LRFN5: variants seen among roughly 807,000 people sequenced by gnomAD.
LRFN5 encodes the protein leucine rich repeat and fibronectin type III domain containing 5.
In LRFN5, 24 loss-of-function variants were observed where a neutral mutation model predicts 45.6. That is an observed-to-expected ratio of 0.53 (90% CI 0.38 to 0.74). The LOEUF (loss-of-function observed/expected upper bound fraction) is 0.74. LRFN5 is among the 30% of genes least tolerant of loss of function. The probability of loss-of-function intolerance (pLI) is 0.00; values close to 1 mark genes in which losing one functional copy is unlikely to be tolerated. For missense variants in LRFN5, 776 were observed against 861.5 expected, an observed-to-expected ratio of 0.90 and a Z score of 1.24; for synonymous variants, 340 against 313.8, an observed-to-expected ratio of 1.08 and a Z score of -0.88.
In LRFN5 at chr14:41,897,089, AAAATAAATAAATAAAT is replaced by A. The variant is rs527665190; in HGVS notation, c.2099-1798_2099-1783del. Reference sequence around the variant, plus strand: ...CCTGGTGACAGAGTGAGACTCTGTCAAAATAAATAAATAAATAAATAAATAAATAAATAAATAAATA... The same window carrying A: ...CCTGGTGACAGAGTGAGACTCTGTCAAAATAAATAAATAAATAAATAAATA... On this transcript the variant is annotated intron_variant, in intron 4 of 5. Coordinates refer to ENST00000298119, the MANE Select transcript of LRFN5 (RefSeq NM_152447.5). Among the ~76,000 whole-genome samples the A allele has an allele frequency of 5.3e-3, 783 of 148,540 alleles. 1 individual carries two copies. Among genetic ancestry groups the A allele is most frequent in the Middle Eastern group, 0.014 (4 of 278 alleles).
At chr14:41,753,562 CTGTT>C (rs1885234542) in intron 1 of LRFN5, among the ~76,000 whole-genome samples, 1 of 151,840 alleles carries the variant, frequency 6.6e-6, no homozygotes, top group Non-Finnish European at 1.5e-5. Flanking sequence ...ATTTGGCTCT[CTGTT>C]TGTCTGTTAT....
At chr14:41,746,665 A>C (rs192827439) in intron 1 of LRFN5, among the ~76,000 whole-genome samples, 1 of 152,096 alleles carries the variant, frequency 6.6e-6, no homozygotes, top group Admixed American at 6.5e-5. Flanking sequence ...AAAATTTTTT[A>C]AAAAAGCAAA....
chr14:41,668,759 G>A (rs1318955836), intron 1 of LRFN5, among the ~76,000 whole-genome samples: 1 of 152,074 alleles, frequency 6.6e-6, no homozygotes, highest in Non-Finnish European at 1.5e-5. Context: ...TATAATTGAT[G>A]TTTTCACCAG....
At chr14:41,859,242 A>G (rs995751853) in intron 2 of LRFN5, among the ~76,000 whole-genome samples, 3 of 152,198 alleles carry the variant, frequency 2.0e-5, no homozygotes, top group Non-Finnish European at 4.4e-5. Context: ...TTCTAGCTAC[A>G]TGTCATGAAA....
At chr14:41,824,238 G>A (rs1594442116) in intron 2 of LRFN5, among the ~76,000 whole-genome samples, 1 of 152,114 alleles carries the variant, frequency 6.6e-6, no homozygotes, top group East Asian at 1.9e-4. Context: ...GTAACATCTT[G>A]TTTTGTCACA....
At position 41,693,201 on chromosome 14, in the gene LRFN5, AGTT is replaced by A. The variant is rs2138709214; in HGVS notation, c.-196-73649_-196-73647del. On this transcript the variant is annotated intron_variant, in intron 1 of 5. Coordinates refer to ENST00000298119, the MANE Select transcript of LRFN5 (RefSeq NM_152447.5). Reference sequence around the variant, plus strand: ...TAAATAATGTTTAAATATTTTTGGAAGTTGTTCTGTGTCTTTTAGGTCATTTGC... The same window carrying A: ...TAAATAATGTTTAAATATTTTTGGAAGTTCTGTGTCTTTTAGGTCATTTGC... Among the ~76,000 whole-genome samples the A allele has an allele frequency of 2.0e-5, 3 of 152,218 alleles. No individual in the cohort carries two copies. In the East Asian group the frequency reaches 5.8e-4, roughly 29 times the overall value.
At chr14:41,792,762 A>G (rs1886972795) in intron 2 of LRFN5, among the ~76,000 whole-genome samples, 1 of 152,052 alleles carries the variant, frequency 6.6e-6, no homozygotes, top group African/African-American at 2.4e-5. Context: ...GTTCAAACAC[A>G]CATGTTTTAC....
Position 41,887,759 on chromosome 14 carries a change from T to G in LRFN5, c.1134T>G (p.Pro378=). ...QIVDLHIIKL[P]HLLNSTNHIH... The stretch of plus-strand genomic sequence containing the variant: ...TGGATCTTCATATAATTAAGCTCCC[T>G]CACTTACTAAATAGTACAAACCATA... The change falls in exon 3 of 6, where the codon CCT becomes CCG. Residue 378 remains proline, a synonymous_variant. Transcript: ENST00000298119. This position sits in a 1 kb window ranked among gnomAD's most constrained non-coding sequence, Gnocchi z 4.8. 6.2e-7 allele frequency: 1 copy of G among 1,614,018 alleles called. No homozygotes were observed. Among genetic ancestry groups the G allele is most frequent in the Non-Finnish European group, 8.5e-7 (1 of 1,180,040 alleles).
At chr14:41,805,230 C>G (rs1887478476) in intron 2 of LRFN5, among the ~76,000 whole-genome samples, 1 of 151,174 alleles carries the variant, frequency 6.6e-6, no homozygotes, top group Admixed American at 6.6e-5. Context: ...AAAATATTGG[C>G]CAGACTGGTT....
intron 1 of LRFN5, among the ~76,000 whole-genome samples, chr14:41,718,054 T>A (rs1023753179): frequency 6.6e-6 from 1 of 152,132 alleles, no homozygotes; most frequent in African/African-American, 2.4e-5. Flanking sequence ...TGTCCTAGCA[T>A]CTTGTTTTAC....
intron 2 of LRFN5, among the ~76,000 whole-genome samples, chr14:41,865,888 C>T (rs972956938): frequency 5.9e-5 from 9 of 151,980 alleles, no homozygotes; most frequent in Middle Eastern, 3.2e-3. Context: ...AAATTCTTTG[C>T]CCAATTATAA....
At chr14:41,789,595 C>T (rs1390678742) in intron 2 of LRFN5, among the ~76,000 whole-genome samples, 1 of 151,896 alleles carries the variant, frequency 6.6e-6, no homozygotes, top group Non-Finnish European at 1.5e-5. Flanking sequence ...CTGGAAAGTC[C>T]CAAACTCCAT....
chr14:41,761,637 C>G (rs545370764), intron 1 of LRFN5, among the ~76,000 whole-genome samples: 1 of 152,202 alleles, frequency 6.6e-6, no homozygotes, highest in African/African-American at 2.4e-5. Context: ...AAGGACCACT[C>G]TCTCATTTCA....
intron 1 of LRFN5, among the ~76,000 whole-genome samples, chr14:41,625,981 C>T (rs952303679): frequency 2.6e-5 from 4 of 151,828 alleles, no homozygotes; most frequent in South Asian, 2.1e-4. Context: ...TAGAAACATA[C>T]GTAGACACAC....
chr14:41,611,615 A>G (rs1209551441), intron 1 of LRFN5, among the ~76,000 whole-genome samples: 1 of 152,222 alleles, frequency 6.6e-6, no homozygotes, highest in Non-Finnish European at 1.5e-5. Flanking sequence ...TACCTCGGAT[A>G]ATTTCTTTTA....
chr14:41,852,622 T>A (rs1418408537), intron 2 of LRFN5, among the ~76,000 whole-genome samples: 1 of 151,930 alleles, frequency 6.6e-6, no homozygotes, highest in African/African-American at 2.4e-5. Flanking sequence ...TCTGTAGTTA[T>A]TTTATCTTTT....
intron 2 of LRFN5, among the ~76,000 whole-genome samples, chr14:41,776,883 T>A (rs1286569962): frequency 2.0e-5 from 3 of 152,088 alleles, no homozygotes; most frequent in African/African-American, 7.2e-5. Context: ...TAAGTTGGAT[T>A]TGCAGTACTG....
intron 2 of LRFN5, among the ~76,000 whole-genome samples, chr14:41,818,884 C>G (rs930060457): frequency 1.3e-5 from 2 of 152,030 alleles, no homozygotes; most frequent in Admixed American, 1.3e-4. Context: ...ATCCCTCATG[C>G]CCCTCCTAAA....
chr14:41,859,411 A>G (rs1889585029), intron 2 of LRFN5, among the ~76,000 whole-genome samples: 1 of 152,210 alleles, frequency 6.6e-6, no homozygotes, highest in African/African-American at 2.4e-5. Flanking sequence ...CACCTGTTTG[A>G]GAGGAAGTAA....
Sources: gnomAD v4.1 joint callset for allele counts (sites outside exome capture counted in the v4.1 genomes callset) on GRCh38, gnomAD v4.1.1 for gene constraint, Gnocchi (gnomAD v3.1) non-coding constraint, MANE v1.5 for transcripts, NCBI Gene and HGNC (gene_info 2026-07-23, HGNC 2026-07-21) for gene names.